Variants in DNAH8 observed in about 807,000 individuals in gnomAD.
DNAH8 encodes axonemal beta dynein heavy chain 8.
Under a neutral mutation model 562.1 loss-of-function variants are expected in DNAH8, and 382 were observed. That is an observed-to-expected ratio of 0.68 (90% CI 0.63 to 0.74). The LOEUF (loss-of-function observed/expected upper bound fraction) is 0.74, where lower values mean the gene tolerates loss of function less well. Among genes scored for constraint, DNAH8 ranks in the 30% least tolerant of loss-of-function variants. The probability of loss-of-function intolerance (pLI) is 0.00; values close to 1 mark genes in which losing one functional copy is unlikely to be tolerated. For synonymous variants in DNAH8, 1,881 were observed against 1,919.4 expected, an observed-to-expected ratio of 0.98 and a Z score of 0.52; for missense variants, 5,203 against 5,620.4, an observed-to-expected ratio of 0.93 and a Z score of 2.37.
chr6:38,999,216 A>G (rs889460677), intron 88 of DNAH8, among the ~76,000 whole-genome samples: 7 of 152,190 alleles, frequency 4.6e-5, no homozygotes, highest in African/African-American at 1.7e-4. Context: ...TAGCAGCAGC[A>G]GCATCTCCAT....
chr6:38,819,705 T>G (rs1314828973), intron 26 of DNAH8, among the ~76,000 whole-genome samples: 1 of 152,184 alleles, frequency 6.6e-6, no homozygotes, highest in East Asian at 1.9e-4. Flanking sequence ...GAGATTGTCC[T>G]TATTTAAAGA....
rs149787191 is a variant in DNAH8, at chr6:38,894,841, G to A, written c.8724G>A (p.Glu2908=). 902 of 1,613,856 alleles carry A rather than the reference G, an allele frequency of 5.6e-4. 3 individuals are homozygous for A. The African/African-American group carries it at 8.0e-3, about 14-fold the overall frequency. Residue 2908 remains glutamate, a synonymous_variant, in exon 59 of 93, where the codon GAG becomes GAA. Transcript: ENST00000327475. ...IPTLLSLFKH[E]CSRVIADRFI... ...CTCTCCTGTCCCTTTTCAAACACGAGTGCAGCAGAGTAATTGCAGACAGGT... is the reference window on the plus strand; with the variant it reads ...CTCTCCTGTCCCTTTTCAAACACGAATGCAGCAGAGTAATTGCAGACAGGT...
intron 1 of DNAH8, among the ~76,000 whole-genome samples, chr6:38,716,019 T>C (rs1470375754): frequency 1.0e-5 from 1 of 95,304 alleles, no homozygotes; most frequent in East Asian, 2.5e-4. Flanking sequence ...AGTGCAGTGG[T>C]GCGATCTCGG....
intron 58 of DNAH8, among the ~76,000 whole-genome samples, chr6:38,891,729 G>C (rs1779354083): frequency 1.3e-5 from 2 of 152,144 alleles, no homozygotes; most frequent in South Asian, 4.1e-4. Context: ...AGATACATGT[G>C]GTTTCCAATA....
chr6:38,930,162 A>G (rs1782447706), intron 75 of DNAH8, among the ~76,000 whole-genome samples: 1 of 152,160 alleles, frequency 6.6e-6, no homozygotes. Context: ...TTTAATAAAC[A>G]CATTGATTTG....
At chr6:38,911,684 A>T in intron 66 of DNAH8, 98 bp downstream of exon 66, 1 of 844,392 alleles carries the variant, frequency 1.2e-6, no homozygotes, top group Non-Finnish European at 1.9e-6. Context: ...TGAAAATGAA[A>T]TACTCACTTT....
chr6:38,955,623 T>C (rs1762194179), intron 82 of DNAH8, among the ~76,000 whole-genome samples: 1 of 151,986 alleles, frequency 6.6e-6, no homozygotes, highest in Non-Finnish European at 1.5e-5. Flanking sequence ...AGAGTGAGAC[T>C]CCATCTCAAA....
intron 87 of DNAH8, among the ~76,000 whole-genome samples, chr6:38,985,626 A>G (rs1440147476): frequency 6.6e-6 from 1 of 152,222 alleles, no homozygotes; most frequent in African/African-American, 2.4e-5. Context: ...GTCCAGTAAT[A>G]CTTACTGAAA....
At chr6:38,857,176 C>A (rs1776268010) in intron 41 of DNAH8, among the ~76,000 whole-genome samples, 1 of 152,110 alleles carries the variant, frequency 6.6e-6, no homozygotes, top group African/African-American at 2.4e-5. Context: ...CAAGAACAAG[C>A]AGATAATAAA....
intron 21 of DNAH8, among the ~76,000 whole-genome samples, chr6:38,798,487 T>C (rs963836644): frequency 2.0e-5 from 3 of 152,158 alleles, no homozygotes; most frequent in Non-Finnish European, 2.9e-5. Flanking sequence ...ATGCTTTACT[T>C]TGTGTGGCCT....
intron 18 of DNAH8, among the ~76,000 whole-genome samples, chr6:38,787,405 A>G (rs1166622611): frequency 6.6e-6 from 1 of 152,152 alleles, no homozygotes; most frequent in East Asian, 1.9e-4. Flanking sequence ...AAATCTAACA[A>G]AATGAAAATG....
chr6:38,771,440 A>G (rs73418497), intron 12 of DNAH8, among the ~76,000 whole-genome samples: 3,060 of 152,292 alleles, frequency 0.02, 114 homozygotes, highest in African/African-American at 0.07. Flanking sequence ...GTACAAGTCA[A>G]TGTTTTCTAG....
chr6:38,886,244 C>T (rs1336238699), intron 56 of DNAH8, among the ~76,000 whole-genome samples: 1 of 151,956 alleles, frequency 6.6e-6, no homozygotes, highest in Non-Finnish European at 1.5e-5. Flanking sequence ...GATCCCAGAG[C>T]CCTGAGATGG....
chr6:38,763,277 CA>C (rs1766696754), intron 11 of DNAH8: 8 of 240,554 alleles, frequency 3.3e-5, no homozygotes, highest in South Asian at 1.6e-4. Context: ...CCAGATGGTC[CA>C]AAAAAAGTTT....
At chr6:38,867,231 A>ATGTGTGTGTGTGTGTGTGTGTGTG (rs70981595) in intron 47 of DNAH8, among the ~76,000 whole-genome samples, 1 of 148,322 alleles carries the variant, frequency 6.7e-6, no homozygotes, top group South Asian at 2.2e-4. Context: ...GTGTGTGTAT[A>ATGTGTGTGTGTGTGTGTGTGTGTG]TGTGTGTGTG....
intron 80 of DNAH8, among the ~76,000 whole-genome samples, chr6:38,947,515 C>A (rs1761531238): frequency 6.6e-6 from 1 of 152,140 alleles, no homozygotes; most frequent in South Asian, 2.1e-4. Flanking sequence ...GTGGTCAAGT[C>A]AAAATTAGCA....
At chr6:38,888,577 A>G (rs1035666396) in intron 57 of DNAH8, among the ~76,000 whole-genome samples, 15 of 152,242 alleles carry the variant, frequency 9.9e-5, no homozygotes, top group African/African-American at 3.4e-4. Flanking sequence ...AAAAATGGGC[A>G]AACAACTAAG....
At chr6:38,955,239 G>A (rs904890157) in intron 82 of DNAH8, among the ~76,000 whole-genome samples, 11 of 152,104 alleles carry the variant, frequency 7.2e-5, no homozygotes, top group Admixed American at 4.6e-4. Flanking sequence ...CTCCTAAAGT[G>A]TTGGGATTAC....
chr6:38,962,882 A>G (rs903399293), intron 82 of DNAH8, among the ~76,000 whole-genome samples: 1 of 152,324 alleles, frequency 6.6e-6, no homozygotes, highest in East Asian at 1.9e-4. Flanking sequence ...TCAGGAATGG[A>G]AAACCAAACA....
Sources: allele counts gnomAD v4.1 joint callset (sites outside exome capture counted in the v4.1 genomes callset), GRCh38; gene constraint gnomAD v4.1.1; transcripts MANE v1.5; gene names NCBI Gene and HGNC (gene_info 2026-07-23, HGNC 2026-07-21).